Variants in TRRAP observed in about 807,000 individuals in gnomAD.
TRRAP encodes the protein transformation/transcription domain associated protein.
In TRRAP, 41 loss-of-function variants were observed where a neutral mutation model predicts 438.8. That is an observed-to-expected ratio of 0.09 (90% CI 0.07 to 0.12). TRRAP has a LOEUF of 0.12. Ranked by LOEUF, TRRAP falls within the 10% of genes least tolerant of loss-of-function variation. TRRAP has a pLI of 1.00. For synonymous variants in TRRAP, 1,994 were observed against 1,962.9 expected, an observed-to-expected ratio of 1.02 and a Z score of -0.42; for missense variants, 3,122 against 5,055.1, an observed-to-expected ratio of 0.62 and a Z score of 11.60.
intron 7 of TRRAP, 68 bp downstream of exon 7, chr7:98,895,888 A>T (rs1796176657): frequency 7.6e-7 from 1 of 1,308,400 alleles, no homozygotes; most frequent in African/African-American, 1.5e-5. Context: ...AAGACTTTAG[A>T]ACAGTTGGGT....
At chr7:98,919,274 A>G (rs1261629107) in intron 20 of TRRAP, among the ~76,000 whole-genome samples, 1 of 151,992 alleles carries the variant, frequency 6.6e-6, no homozygotes, top group Admixed American at 6.6e-5. Flanking sequence ...CTGTCCTGAG[A>G]TTTAGATCTT....
Position 99,004,391 on chromosome 7 carries a change from C to T in TRRAP, c.10511C>T (p.Thr3504Met), listed in dbSNP as rs199634355. Reference sequence around the variant, plus strand: ...GGGGAGTTTCTGATGCCAAAGCCAACGCATTATTACATCAAGATTGCACGG... The same window carrying T: ...GGGGAGTTTCTGATGCCAAAGCCAATGCATTATTACATCAAGATTGCACGG... ...IPGEFLMPKP[T>M]HYYIKIARFM... The change falls in exon 68 of 73, where the codon ACG (threonine) becomes ATG (methionine). Residue 3504 changes from threonine to methionine, a missense_variant. Coordinates refer to ENST00000456197, the MANE Select transcript of TRRAP (RefSeq NM_001375524.1). 3.7e-5 allele frequency: 59 copies of T among 1,613,904 alleles called. No homozygotes were observed. Among genetic ancestry groups the T allele is most frequent in the Non-Finnish European group, 4.5e-5 (53 of 1,180,002 alleles).
At chr7:98,886,402 A>G (rs534304466) in intron 3 of TRRAP, among the ~76,000 whole-genome samples, 4 of 152,014 alleles carry the variant, frequency 2.6e-5, no homozygotes, top group Admixed American at 6.6e-5. Context: ...AGATAGATAT[A>G]GATATCTAGA....
intron 1 of TRRAP, among the ~76,000 whole-genome samples, chr7:98,879,802 A>G (rs1554402731): frequency 6.6e-6 from 1 of 152,170 alleles, no homozygotes; most frequent in Non-Finnish European, 1.5e-5. Flanking sequence ...TTTGGTGTCT[A>G]GGAGAGAGTG....
At chr7:98,892,143 C>G (rs1349515721) in intron 4 of TRRAP, among the ~76,000 whole-genome samples, 3 of 152,184 alleles carry the variant, frequency 2.0e-5, no homozygotes, top group African/African-American at 7.2e-5. Flanking sequence ...ACACCAGTGT[C>G]CGTTGGACTT....
intron 46 of TRRAP, among the ~76,000 whole-genome samples, chr7:98,962,084 A>C (rs1411404327): frequency 1.3e-5 from 2 of 152,246 alleles, no homozygotes; most frequent in African/African-American, 4.8e-5. Context: ...ATAAATAAGT[A>C]TATTTCAAGG....
At chr7:98,943,582 C>T (rs1465037164) in intron 31 of TRRAP, among the ~76,000 whole-genome samples, 2 of 152,174 alleles carry the variant, frequency 1.3e-5, no homozygotes, top group Non-Finnish European at 2.9e-5. Context: ...CCCTTCAAAG[C>T]ACATTTGTAT....
At chr7:98,989,461 C>T (rs1793293920) in intron 63 of TRRAP, among the ~76,000 whole-genome samples, 1 of 152,264 alleles carries the variant, frequency 6.6e-6, no homozygotes, top group African/African-American at 2.4e-5. Flanking sequence ...CAGGTTCCCC[C>T]TTCATGTGGC....
At chr7:98,967,288 T>C (rs1423459136) in intron 50 of TRRAP, 126 bp downstream of exon 50, 1 of 1,387,032 alleles carries the variant, frequency 7.2e-7, no homozygotes, top group Non-Finnish European at 9.8e-7. Flanking sequence ...ATTTAAATGC[T>C]AAATTGTGTG....
At chr7:98,904,669 G>A (rs1176254800) in intron 12 of TRRAP, among the ~76,000 whole-genome samples, 3 of 151,946 alleles carry the variant, frequency 2.0e-5, no homozygotes, top group South Asian at 2.1e-4. Flanking sequence ...TTAGACTTTC[G>A]GGGTTCAGCT....
chr7:98,974,885 A>AT (rs3216263), intron 53 of TRRAP, among the ~76,000 whole-genome samples: 48,134 of 151,928 alleles, frequency 0.32, 7,999 homozygotes, highest in South Asian at 0.46. Context: ...TGTGATGATG[A>AT]TTTTTTCAGG....
At chr7:98,904,536 C>T (rs1796632258) in intron 12 of TRRAP, among the ~76,000 whole-genome samples, 1 of 151,760 alleles carries the variant, frequency 6.6e-6, no homozygotes, top group African/African-American at 2.4e-5. Flanking sequence ...CAGGTCACCT[C>T]CTTCCCGTTA....
intron 69 of TRRAP, among the ~76,000 whole-genome samples, chr7:99,006,452 A>T (rs1177529455): frequency 6.6e-6 from 1 of 152,216 alleles, no homozygotes; most frequent in Non-Finnish European, 1.5e-5. Context: ...TGTAGTGTTG[A>T]TTCCAGCTGT....
At chr7:98,880,711 C>G (rs1795390327) in intron 1 of TRRAP, among the ~76,000 whole-genome samples, 1 of 152,084 alleles carries the variant, frequency 6.6e-6, no homozygotes, top group Non-Finnish European at 1.5e-5. Flanking sequence ...GGAACACAGC[C>G]TCATTTATTT....
At chr7:98,930,280 TA>T in intron 24 of TRRAP, 74 bp downstream of exon 24, 6 of 1,543,508 alleles carry the variant, frequency 3.9e-6, no homozygotes, top group South Asian at 2.3e-5. Flanking sequence ...TAGAAACTGA[TA>T]GTTTAAGAAT....
At chr7:98,884,301 A>G (rs1325943600) in intron 3 of TRRAP, among the ~76,000 whole-genome samples, 1 of 152,042 alleles carries the variant, frequency 6.6e-6, no homozygotes, top group Non-Finnish European at 1.5e-5. Flanking sequence ...AGGCTGGAGT[A>G]CAGTGGTGTG....
At chr7:98,945,643 A>T in intron 31 of TRRAP, 104 bp from the exon 32 acceptor site, 2 of 1,313,726 alleles carry the variant, frequency 1.5e-6, no homozygotes, top group Non-Finnish European at 2.1e-6. Flanking sequence ...TTGTGTCTTT[A>T]CTGTCTTGTT....
At chr7:98,936,273 G>T (rs1166172335) in intron 28 of TRRAP, among the ~76,000 whole-genome samples, 1 of 152,154 alleles carries the variant, frequency 6.6e-6, no homozygotes, top group Admixed American at 6.5e-5. Flanking sequence ...TCTTTCTTGA[G>T]TTAGAGGTGG....
In TRRAP at chr7:99,009,104, C is replaced by T. The variant is rs944595459; in HGVS notation, c.10938+543C>T. Among the ~76,000 whole-genome samples the T allele has an allele frequency of 2.0e-5, 3 of 152,182 alleles. No individual in the cohort carries two copies. The East Asian group carries it at 5.8e-4, about 29-fold the overall frequency. Reference sequence around the variant, plus strand: ...TGGTGCCCGCAGGAGTCTTGGGTGGCCCTGGCCTGCAGCCCCTCGGAGGTA... The same window carrying T: ...TGGTGCCCGCAGGAGTCTTGGGTGGTCCTGGCCTGCAGCCCCTCGGAGGTA... On this transcript the variant is annotated intron_variant, in intron 70 of 72. Transcript: ENST00000456197.
Sources: allele counts gnomAD v4.1 joint callset (sites outside exome capture counted in the v4.1 genomes callset), GRCh38; gene constraint gnomAD v4.1.1; transcripts MANE v1.5; gene names NCBI Gene and HGNC (gene_info 2026-07-23, HGNC 2026-07-21).